UST: variants seen among roughly 807,000 people sequenced by gnomAD.
The protein encoded by UST is chondroitin sulfate 2-O-sulfotransferase.
UST carries 21 observed loss-of-function variants against 45.6 expected under a neutral mutation model. That is an observed-to-expected ratio of 0.46 (90% CI 0.33 to 0.66). The LOEUF (loss-of-function observed/expected upper bound fraction) is 0.66. Ranked by LOEUF, UST falls within the 30% of genes least tolerant of loss-of-function variation. The pLI, the probability that UST is intolerant of heterozygous loss-of-function variation, is 0.02. For missense variants in UST, 463 were observed against 512.4 expected, an observed-to-expected ratio of 0.90 and a Z score of 0.93; for synonymous variants, 215 against 200.6, an observed-to-expected ratio of 1.07 and a Z score of -0.61.
At chr6:148,811,796 G>C (rs1167088120) in intron 1 of UST, among the ~76,000 whole-genome samples, 1 of 152,198 alleles carries the variant, frequency 6.6e-6, no homozygotes, top group Non-Finnish European at 1.5e-5. Flanking sequence ...GGAAGCTGCG[G>C]GTCTTCACTT....
chr6:148,920,434 C>T (rs1398726476), intron 2 of UST, among the ~76,000 whole-genome samples: 1 of 152,192 alleles, frequency 6.6e-6, no homozygotes, highest in Non-Finnish European at 1.5e-5. Context: ...GCTTCACCCT[C>T]TTCTGATGCC....
intron 7 of UST, among the ~76,000 whole-genome samples, chr6:149,029,361 A>G (rs1333225504): frequency 6.8e-6 from 1 of 147,096 alleles, no homozygotes; most frequent in Non-Finnish European, 1.5e-5. Flanking sequence ...TATATAAATT[A>G]TATGTAATAT....
At chr6:149,061,065 GCCCAGCAT>G (rs1197745721) in intron 7 of UST, among the ~76,000 whole-genome samples, 1 of 152,182 alleles carries the variant, frequency 6.6e-6, no homozygotes, top group Non-Finnish European at 1.5e-5. Flanking sequence ...GCCAGAGCCA[GCCCAGCAT>G]CAAAATACAC....
At chr6:148,825,248 C>T (rs1011179037) in intron 1 of UST, among the ~76,000 whole-genome samples, 1 of 152,072 alleles carries the variant, frequency 6.6e-6, no homozygotes, top group African/African-American at 2.4e-5. Flanking sequence ...GATGATAGGC[C>T]AGCACATTCT....
intron 2 of UST, among the ~76,000 whole-genome samples, chr6:148,918,590 A>G (rs1021060853): frequency 1.3e-5 from 2 of 152,110 alleles, no homozygotes; most frequent in Non-Finnish European, 2.9e-5. Flanking sequence ...TCTTACTTGC[A>G]TTCTCATGAT....
chr6:149,021,254 A>G (rs767056597), intron 6 of UST, 70 bp from the exon 7 acceptor site: 3 of 1,501,562 alleles, frequency 2.0e-6, no homozygotes, highest in Non-Finnish European at 2.7e-6. Flanking sequence ...TAGAGGGGGT[A>G]AACTCTCAGC....
chr6:148,769,872 T>C (rs1330972772), intron 1 of UST, among the ~76,000 whole-genome samples: 9 of 56,308 alleles, frequency 1.6e-4, no homozygotes, highest in South Asian at 5.4e-4. Flanking sequence ...TTTCTGTCAC[T>C]TTTTTTTTTT....
At chr6:148,900,503 T>C (rs1779229457) in intron 2 of UST, among the ~76,000 whole-genome samples, 1 of 152,216 alleles carries the variant, frequency 6.6e-6, no homozygotes, top group Non-Finnish European at 1.5e-5. Flanking sequence ...CTCTCTTCTC[T>C]TGTCTGCCAC....
intron 7 of UST, among the ~76,000 whole-genome samples, chr6:149,049,412 C>T (rs1425998779): frequency 4.6e-5 from 7 of 152,158 alleles, no homozygotes; most frequent in Non-Finnish European, 7.4e-5. Context: ...AGAAAAACTA[C>T]GTGAGCACAG....
intron 5 of UST, among the ~76,000 whole-genome samples, chr6:149,012,564 T>C (rs904862057): frequency 6.6e-6 from 1 of 152,202 alleles, no homozygotes; most frequent in African/African-American, 2.4e-5. Flanking sequence ...GAAGACTGGC[T>C]CCAAAAATCA....
At chr6:148,800,756 A>T (rs138537432) in intron 1 of UST, among the ~76,000 whole-genome samples, 1,705 of 149,960 alleles carry the variant, frequency 0.011, 30 homozygotes, top group African/African-American at 0.039. Context: ...CAATGATTAC[A>T]TAACATTTTC....
At chr6:149,029,866 TTGTGTGTGTGTGTG>T (rs3074362) in intron 7 of UST, among the ~76,000 whole-genome samples, 56 of 140,800 alleles carry the variant, frequency 4.0e-4, no homozygotes, top group East Asian at 1.7e-3. Context: ...GCACTGGATC[TTGTGTGTGTGTGTG>T]TGTGTGTGTG....
intron 7 of UST, among the ~76,000 whole-genome samples, chr6:149,073,291 T>A (rs1292747912): frequency 2.6e-5 from 4 of 152,330 alleles, no homozygotes; most frequent in East Asian, 3.8e-4. Context: ...AAATAAATTT[T>A]AAAAATTTGT....
At chr6:148,831,844 G>T (rs1021965045) in intron 1 of UST, among the ~76,000 whole-genome samples, 6 of 152,108 alleles carry the variant, frequency 3.9e-5, no homozygotes, top group African/African-American at 1.4e-4. Flanking sequence ...GACCCAGATT[G>T]CTTAAATACT....
At chr6:148,826,058 G>A (rs1777562318) in intron 1 of UST, among the ~76,000 whole-genome samples, 1 of 152,180 alleles carries the variant, frequency 6.6e-6, no homozygotes, top group South Asian at 2.1e-4. Context: ...GGAAATCAGA[G>A]ACAAGAGCAT....
chr6:148,972,631 C>A (rs1466037238), intron 5 of UST, among the ~76,000 whole-genome samples: 1 of 152,254 alleles, frequency 6.6e-6, no homozygotes, highest in Non-Finnish European at 1.5e-5. Context: ...CAGGTGCATC[C>A]GCCGGCCACC....
intron 1 of UST, among the ~76,000 whole-genome samples, chr6:148,747,977 C>G (rs562190284): frequency 6.6e-6 from 1 of 152,256 alleles, no homozygotes; most frequent in Admixed American, 6.5e-5. Flanking sequence ...CGGACTGGGG[C>G]GGAGTGGATG....
intron 3 of UST, among the ~76,000 whole-genome samples, chr6:148,951,833 T>A (rs1780371032): frequency 6.6e-6 from 1 of 152,150 alleles, no homozygotes; most frequent in African/African-American, 2.4e-5. Context: ...CTAGAAAGAG[T>A]TATACATTGT....
At chr6:148,823,260 T>G (rs1467622823) in intron 1 of UST, among the ~76,000 whole-genome samples, 1 of 152,218 alleles carries the variant, frequency 6.6e-6, no homozygotes, top group South Asian at 2.1e-4. Context: ...TTTAGAAAGA[T>G]TTTTATCTAA....
Sources: gnomAD v4.1 joint callset for allele counts (sites outside exome capture counted in the v4.1 genomes callset) on GRCh38, gnomAD v4.1.1 for gene constraint, MANE v1.5 for transcripts, NCBI Gene and HGNC (gene_info 2026-07-23, HGNC 2026-07-21) for gene names.